L3MBTL4: variants seen among roughly 807,000 people sequenced by gnomAD.
The protein encoded by L3MBTL4 is lethal(3)malignant brain tumor-like protein 4.
Under a neutral mutation model 84.5 loss-of-function variants are expected in L3MBTL4, and 70 were observed. The ratio of observed to expected loss-of-function variants is 0.83; its 90% confidence interval spans 0.68 to 1.01. The LOEUF is 1.01. Among genes scored for constraint, L3MBTL4 ranks in the 50% least tolerant of loss-of-function variants. The probability of loss-of-function intolerance (pLI) is 0.00; values close to 1 mark genes in which losing one functional copy is unlikely to be tolerated. For missense variants in L3MBTL4, 715 were observed against 754.8 expected, an observed-to-expected ratio of 0.95 and a Z score of 0.62; for synonymous variants, 274 against 259.8, an observed-to-expected ratio of 1.05 and a Z score of -0.52.
chr18:6,217,576 T>C (rs1312565592), intron 10 of L3MBTL4, among the ~76,000 whole-genome samples: 1 of 152,230 alleles, frequency 6.6e-6, no homozygotes, highest in Non-Finnish European at 1.5e-5. Context: ...TTAAAAATGC[T>C]GCTATGAACA....
chr18:6,046,687 A>C (rs573564707), intron 16 of L3MBTL4: 1 of 755,636 alleles, frequency 1.3e-6, no homozygotes, highest in Non-Finnish European at 2.4e-6. Flanking sequence ...CAGAAGTAAA[A>C]AAAAGTCTTT....
intron 1 of L3MBTL4, among the ~76,000 whole-genome samples, chr18:6,319,102 T>C (rs2051272073): frequency 6.6e-6 from 1 of 151,998 alleles, no homozygotes; most frequent in Admixed American, 6.6e-5. Context: ...TGACACAAAT[T>C]ATTAAGACCT....
At position 6,030,405 on chromosome 18, in the gene L3MBTL4, C is replaced by T. The variant is rs895481202; in HGVS notation, c.1444+50476G>A. The T allele has an allele frequency of 1.4e-5, 14 of 985,018 alleles. No individual in the cohort carries two copies. In the African/African-American group the frequency reaches 2.4e-4, roughly 17 times the overall value. The allele number at this position is 985,018 out of a possible 1,614,324, so 61.0% of individuals were successfully genotyped here. A position where few individuals can be genotyped will look rare whatever the true frequency, so the allele number is the denominator to read the frequency against. On this transcript the variant is annotated intron_variant, in intron 16 of 18. Transcript: ENST00000317931. ...TGTGAAATGAAAGAAAGCAGGAACACAAACATATATACATCTTCTGACTTT... is the reference window on the plus strand; with the variant it reads ...TGTGAAATGAAAGAAAGCAGGAACATAAACATATATACATCTTCTGACTTT...
At chr18:6,084,205 C>A (rs867302039) in intron 15 of L3MBTL4, among the ~76,000 whole-genome samples, 2 of 152,154 alleles carry the variant, frequency 1.3e-5, no homozygotes, top group Non-Finnish European at 2.9e-5. Flanking sequence ...AAACTATGCC[C>A]CGTAAGTCGA....
intron 12 of L3MBTL4, among the ~76,000 whole-genome samples, chr18:6,185,982 TTATTTTATTTTATTATTTTA>T (rs2044729612): frequency 6.8e-6 from 1 of 147,914 alleles, no homozygotes; most frequent in Non-Finnish European, 1.5e-5. Context: ...TTATTTTATT[TTATTTTATTTTATTATTTTA>T]TATTTTATTT....
intron 16 of L3MBTL4, among the ~76,000 whole-genome samples, chr18:6,067,069 T>C (rs1370298743): frequency 6.6e-6 from 1 of 152,198 alleles, no homozygotes; most frequent in African/African-American, 2.4e-5. Flanking sequence ...TTAGTTTTTC[T>C]GGATACAAAA....
intron 10 of L3MBTL4, among the ~76,000 whole-genome samples, chr18:6,221,931 A>G (rs895923272): frequency 3.9e-5 from 6 of 152,192 alleles, no homozygotes; most frequent in African/African-American, 1.4e-4. Context: ...AGGGCCCTTC[A>G]TGGAAACAAT....
intron 16 of L3MBTL4, among the ~76,000 whole-genome samples, chr18:6,023,145 GTAAAGGCGTGGCTATAC>G (rs1413040635): frequency 6.6e-6 from 1 of 152,194 alleles, no homozygotes; most frequent in African/African-American, 2.4e-5. Flanking sequence ...CTCCTTTCCA[GTAAAGGCGTGGCTATAC>G]TAAGAGTTTA....
chr18:6,319,110 C>A (rs767794213), intron 1 of L3MBTL4, among the ~76,000 whole-genome samples: 5 of 151,978 alleles, frequency 3.3e-5, no homozygotes, highest in Non-Finnish European at 4.4e-5. Context: ...ATTATTAAGA[C>A]CTCTGGGATA....
intron 14 of L3MBTL4, among the ~76,000 whole-genome samples, chr18:6,100,498 C>A (rs936043634): frequency 6.6e-6 from 1 of 152,150 alleles, no homozygotes; most frequent in South Asian, 2.1e-4. Flanking sequence ...TGTTCATGGC[C>A]TTTTCTCACT....
chr18:6,144,061 G>A (rs1055427851), intron 13 of L3MBTL4, among the ~76,000 whole-genome samples: 2 of 151,884 alleles, frequency 1.3e-5, no homozygotes, highest in African/African-American at 4.8e-5. Context: ...GCTGGGCATG[G>A]TGGCAGGCCC....
chr18:6,237,821 T>TTGG (rs982311219), intron 10 of L3MBTL4, 143 bp downstream of exon 10: 3 of 680,222 alleles, frequency 4.4e-6, no homozygotes, highest in Non-Finnish European at 7.8e-6. Context: ...TTTCAGACAC[T>TTGG]TGGTGGTCAA....
intron 1 of L3MBTL4, among the ~76,000 whole-genome samples, chr18:6,312,774 T>G (rs900012877): frequency 1.3e-5 from 2 of 152,220 alleles, no homozygotes; most frequent in African/African-American, 4.8e-5. Context: ...TACTAAACAT[T>G]TATTGAATTT....
intron 16 of L3MBTL4, chr18:6,017,699 T>C (rs1011425442): frequency 4.6e-5 from 7 of 152,238 alleles, no homozygotes; most frequent in Admixed American, 1.3e-4. Flanking sequence ...TTAATTCTTT[T>C]ATTTTTTTTT....
intron 1 of L3MBTL4, among the ~76,000 whole-genome samples, chr18:6,378,301 G>A (rs1430889470): frequency 6.6e-6 from 1 of 152,186 alleles, no homozygotes; most frequent in Non-Finnish European, 1.5e-5. Context: ...TTATTTTGCT[G>A]TGCAGAAGCT....
intron 10 of L3MBTL4, among the ~76,000 whole-genome samples, chr18:6,236,104 G>A (rs1473253299): frequency 1.3e-5 from 2 of 152,116 alleles, no homozygotes; most frequent in African/African-American, 4.8e-5. Flanking sequence ...CTAAAATTCA[G>A]ATAGAAATGC....
intron 16 of L3MBTL4, among the ~76,000 whole-genome samples, chr18:6,075,439 A>C (rs1056929003): frequency 6.6e-6 from 1 of 152,172 alleles, no homozygotes; most frequent in Non-Finnish European, 1.5e-5. Context: ...CAATAGGGAA[A>C]TGACTTTTTA....
At chr18:6,065,645 T>G (rs749817990) in intron 16 of L3MBTL4, among the ~76,000 whole-genome samples, 1 of 152,118 alleles carries the variant, frequency 6.6e-6, no homozygotes, top group Non-Finnish European at 1.5e-5. Flanking sequence ...ATAAAAGTGT[T>G]CATAGTAGCC....
chr18:6,178,966 T>C (rs16949573), intron 12 of L3MBTL4, among the ~76,000 whole-genome samples: 4,216 of 152,268 alleles, frequency 0.028, 230 homozygotes, highest in African/African-American at 0.097. Flanking sequence ...GTCTCACAGA[T>C]TTTAAAGGCT....
Sources: allele counts gnomAD v4.1 joint callset (sites outside exome capture counted in the v4.1 genomes callset), GRCh38; gene constraint gnomAD v4.1.1; transcripts MANE v1.5; gene names NCBI Gene and HGNC (gene_info 2026-07-23, HGNC 2026-07-21).